The following PTPN13 variants were observed in gnomAD, a reference collection of about 807,000 sequenced individuals.
The protein encoded by PTPN13 is tyrosine-protein phosphatase non-receptor type 13.
A neutral mutation model predicts 284.0 loss-of-function variants in PTPN13; 191 were observed. That is an observed-to-expected ratio of 0.67 (90% CI 0.60 to 0.76). The LOEUF (loss-of-function observed/expected upper bound fraction) is 0.76. Ranked by LOEUF, PTPN13 falls within the 30% of genes least tolerant of loss-of-function variation. The pLI is 0.00. For synonymous variants in PTPN13, 986 were observed against 1,022.3 expected, an observed-to-expected ratio of 0.96 and a Z score of 0.68; for missense variants, 2,797 against 2,939.9, an observed-to-expected ratio of 0.95 and a Z score of 1.12.
intron 44 of PTPN13, among the ~76,000 whole-genome samples, chr4:86,806,236 A>T (rs1038055564): frequency 2.6e-5 from 4 of 151,814 alleles, no homozygotes; most frequent in Admixed American, 6.6e-5. Context: ...TCACACTGTG[A>T]TTTTTTTTAA....
chr4:86,653,695 C>T (rs1725378344), intron 2 of PTPN13, among the ~76,000 whole-genome samples: 1 of 151,978 alleles, frequency 6.6e-6, no homozygotes, highest in African/African-American at 2.4e-5. Flanking sequence ...TGGCCATTTG[C>T]TTCAAAAGAA....
At chr4:86,776,165 C>T (rs868576760) in intron 35 of PTPN13, among the ~76,000 whole-genome samples, 15 of 152,242 alleles carry the variant, frequency 9.9e-5, no homozygotes, top group African/African-American at 3.1e-4. Flanking sequence ...AGGCTGGTCT[C>T]GAACTCCTGA....
At position 86,741,624 on chromosome 4, in the gene PTPN13, A is replaced by T; in HGVS notation, c.2305-10A>T. 6.2e-7 allele frequency: 1 copy of T among 1,608,874 alleles called. No individual in the cohort carries two copies. The highest frequency in any genetic ancestry group is 8.5e-7 in the Non-Finnish European group (1 of 1,175,664). The stretch of plus-strand genomic sequence containing the variant: ...AAGTGTATTGCTATGGTATGGTATT[A>T]TTCCAACAGGTCTGCCAAAGACTGA... On this transcript the variant is annotated splice_polypyrimidine_tract_variant and intron_variant, in intron 15 of 47. Transcript: ENST00000411767.
intron 33 of PTPN13, 36 bp from the exon 34 acceptor site, chr4:86,775,135 T>C: frequency 6.1e-6 from 9 of 1,484,274 alleles, no homozygotes; most frequent in Non-Finnish European, 8.1e-6. Context: ...TTTCTAAAAA[T>C]TGTGATCTTC....
chr4:86,775,962 T>TA (rs1275063587), intron 35 of PTPN13, among the ~76,000 whole-genome samples: 3 of 152,188 alleles, frequency 2.0e-5, no homozygotes, highest in African/African-American at 7.2e-5. Context: ...TTCTTTTCTT[T>TA]TTTAGACAGT....
intron 36 of PTPN13, among the ~76,000 whole-genome samples, chr4:86,781,737 G>A (rs1322000836): frequency 2.0e-5 from 3 of 151,668 alleles, no homozygotes; most frequent in African/African-American, 7.3e-5. Context: ...GGCCGAGGCG[G>A]GCAGATCACG....
chr4:86,638,948 A>G (rs1404189116), intron 2 of PTPN13, among the ~76,000 whole-genome samples: 1 of 152,242 alleles, frequency 6.6e-6, no homozygotes, highest in African/African-American at 2.4e-5. Flanking sequence ...AAGGGCTAAT[A>G]TCCAGAATCT....
intron 6 of PTPN13, among the ~76,000 whole-genome samples, chr4:86,694,413 T>C (rs577682522): frequency 6.6e-6 from 1 of 151,214 alleles, no homozygotes; most frequent in African/African-American, 2.4e-5. Flanking sequence ...AAATCCCATC[T>C]CTCTAAAAAT....
rs113276055 is a variant in PTPN13, at chr4:86,683,448, T to C, written c.295-3262T>C. Among the ~76,000 whole-genome samples the C allele has an allele frequency of 1.3e-3, 199 of 152,278 alleles. 2 individuals carry two copies. The highest frequency in any genetic ancestry group is 4.5e-3 in the African/African-American group (188 of 41,550). On this transcript the variant is annotated intron_variant, in intron 3 of 47. Transcript: ENST00000411767. ...TTCTAAGGCAGTTAAGTAGAAAGAATTCTCTTACTCAGAGGAGAGTTGACC... is the reference window on the plus strand; with the variant it reads ...TTCTAAGGCAGTTAAGTAGAAAGAACTCTCTTACTCAGAGGAGAGTTGACC...
At chr4:86,748,466 G>T (rs1234324031) in intron 17 of PTPN13, among the ~76,000 whole-genome samples, 1 of 152,094 alleles carries the variant, frequency 6.6e-6, no homozygotes, top group African/African-American at 2.4e-5. Context: ...ACTAAACTGA[G>T]CCTGCTATCC....
chr4:86,667,425 C>T (rs1285036103), intron 2 of PTPN13, among the ~76,000 whole-genome samples: 1 of 151,720 alleles, frequency 6.6e-6, no homozygotes, highest in African/African-American at 2.4e-5. Context: ...TAAGTAGTAA[C>T]AAAACTTTTG....
chr4:86,776,676 C>G (rs1222090871), intron 35 of PTPN13, among the ~76,000 whole-genome samples: 1 of 152,210 alleles, frequency 6.6e-6, no homozygotes, highest in Non-Finnish European at 1.5e-5. Flanking sequence ...CCTAGCCTAG[C>G]CTACCATAAA....
At chr4:86,806,215 A>AT (rs1216564111) in intron 44 of PTPN13, among the ~76,000 whole-genome samples, 2 of 152,018 alleles carry the variant, frequency 1.3e-5, no homozygotes, top group Non-Finnish European at 2.9e-5. Flanking sequence ...TAAAAATCAC[A>AT]TGTAAAAAAA....
chr4:86,636,659 C>G (rs1345186684), intron 2 of PTPN13, among the ~76,000 whole-genome samples: 1 of 152,018 alleles, frequency 6.6e-6, no homozygotes, highest in Non-Finnish European at 1.5e-5. Flanking sequence ...ACCAGAATCT[C>G]TGGGACACAT....
Position 86,608,089 on chromosome 4 carries a change from G to A in PTPN13, c.-6+13300G>A, listed in dbSNP as rs72870632. On this transcript the variant is annotated intron_variant, in intron 1 of 47. Coordinates refer to ENST00000411767, the MANE Select transcript of PTPN13 (RefSeq NM_080683.3). ...TTGTAACATGGAAATATGTTAAATA[G>A]ATAAAAGGTAAAACCTGGCAAATAA... Among the ~76,000 whole-genome samples, 197 of 152,072 alleles carry A rather than the reference G, an allele frequency of 1.3e-3. 1 individual carries two copies. Among genetic ancestry groups the A allele is most frequent in the African/African-American group, 4.6e-3 (190 of 41,536 alleles).
At chr4:86,637,632 C>T (rs1472398132) in intron 2 of PTPN13, among the ~76,000 whole-genome samples, 2 of 151,270 alleles carry the variant, frequency 1.3e-5, no homozygotes, top group Non-Finnish European at 2.9e-5. Context: ...TTCAACAACC[C>T]TTCATGCTAA....
chr4:86,649,112 A>G (rs1724790618), intron 2 of PTPN13, among the ~76,000 whole-genome samples: 1 of 151,932 alleles, frequency 6.6e-6, no homozygotes, highest in Non-Finnish European at 1.5e-5. Flanking sequence ...TTCCTTATAT[A>G]TTCTGGTTAT....
chr4:86,650,797 TA>T (rs1317667024), intron 2 of PTPN13, among the ~76,000 whole-genome samples: 15 of 152,352 alleles, frequency 9.8e-5, no homozygotes, highest in African/African-American at 3.6e-4. Context: ...TGAATTTGTT[TA>T]TCGGTTCCAA....
At chr4:86,700,551 G>A (rs1250234811) in intron 6 of PTPN13, among the ~76,000 whole-genome samples, 1 of 151,924 alleles carries the variant, frequency 6.6e-6, no homozygotes, top group African/African-American at 2.4e-5. Context: ...TATTACAATT[G>A]GCAAATAATG....
Sources: allele counts gnomAD v4.1 joint callset (sites outside exome capture counted in the v4.1 genomes callset), GRCh38; gene constraint gnomAD v4.1.1; transcripts MANE v1.5; gene names NCBI Gene and HGNC (gene_info 2026-07-23, HGNC 2026-07-21).